Variants in ANO4 observed in about 807,000 individuals in gnomAD.
ANO4 encodes anoctamin 4.
A neutral mutation model predicts 141.9 loss-of-function variants in ANO4; 69 were observed. The observed-to-expected ratio is 0.49, with a 90% confidence interval of 0.40 to 0.59. ANO4 has a LOEUF of 0.59. Ranked by LOEUF, ANO4 falls within the 20% of genes least tolerant of loss-of-function variation. The probability of loss-of-function intolerance (pLI) is 0.00; values close to 1 mark genes in which losing one functional copy is unlikely to be tolerated. For synonymous variants in ANO4, 350 were observed against 394.3 expected (o/e 0.89, Z 1.33); for missense variants, 894 against 1,162.2 (o/e 0.77, Z 3.36).
chr12:100,784,265 C>T (rs2033796345), intron 3 of ANO4, among the ~76,000 whole-genome samples: 1 of 152,124 alleles, frequency 6.6e-6, no homozygotes, highest in African/African-American at 2.4e-5. Flanking sequence ...CTGCCAGAAT[C>T]CTCCTACTCT....
chr12:101,056,649 C>G (rs2136702232), intron 14 of ANO4, among the ~76,000 whole-genome samples: 1 of 152,068 alleles, frequency 6.6e-6, no homozygotes, highest in Non-Finnish European at 1.5e-5. Flanking sequence ...TACTAGACAT[C>G]CTTGCCTTAT....
At chr12:100,748,104 A>G (rs1593262896) in intron 3 of ANO4, among the ~76,000 whole-genome samples, 1 of 152,066 alleles carries the variant, frequency 6.6e-6, no homozygotes, top group African/African-American at 2.4e-5. Flanking sequence ...GCTTACTGGT[A>G]CTCCATATAT....
intron 14 of ANO4, among the ~76,000 whole-genome samples, chr12:101,057,602 C>T (rs1394431783): frequency 6.6e-6 from 1 of 152,202 alleles, no homozygotes; most frequent in Non-Finnish European, 1.5e-5. Context: ...ATTTGCATTT[C>T]TCTAATGACC....
At chr12:101,108,929 AT>A (rs2137006448) in intron 22 of ANO4, among the ~76,000 whole-genome samples, 1 of 152,280 alleles carries the variant, frequency 6.6e-6, no homozygotes, top group East Asian at 1.9e-4. Flanking sequence ...TGAATTTTGC[AT>A]TTTCCCAGTA....
At chr12:100,994,501 C>T (rs555226818) in intron 8 of ANO4, among the ~76,000 whole-genome samples, 71 of 152,040 alleles carry the variant, frequency 4.7e-4, no homozygotes, top group Admixed American at 1.6e-3. Flanking sequence ...AATAGATATA[C>T]AGGACATTCT....
chr12:101,119,015 G>C (rs1481439720), intron 25 of ANO4, among the ~76,000 whole-genome samples: 1 of 151,930 alleles, frequency 6.6e-6, no homozygotes, highest in African/African-American at 2.4e-5. Flanking sequence ...ATGGTTTCCA[G>C]CTTCATCCAT....
intron 3 of ANO4, among the ~76,000 whole-genome samples, chr12:100,785,687 G>T (rs2033852528): frequency 6.6e-6 from 1 of 152,162 alleles, no homozygotes; most frequent in Non-Finnish European, 1.5e-5. Flanking sequence ...TGGCAATTAT[G>T]AATAAAGCAG....
chr12:100,974,621 G>A (rs972159593), intron 6 of ANO4, among the ~76,000 whole-genome samples: 16 of 152,200 alleles, frequency 1.1e-4, no homozygotes, highest in African/African-American at 3.1e-4. Flanking sequence ...ATGGTAATGG[G>A]TAGAGGAAGA....
chr12:100,925,828 T>C (rs61944863), intron 3 of ANO4, among the ~76,000 whole-genome samples: 4 of 93,964 alleles, frequency 4.3e-5, no homozygotes, highest in South Asian at 6.9e-4. Context: ...TACATACATA[T>C]ATATACATAC....
At chr12:100,949,910 G>C (rs2042900351) in intron 5 of ANO4, among the ~76,000 whole-genome samples, 1 of 152,130 alleles carries the variant, frequency 6.6e-6, no homozygotes, top group Non-Finnish European at 1.5e-5. Context: ...CCATCCCAGT[G>C]TTTCTTTACC....
At chr12:100,887,559 T>C (rs1262659251) in intron 1 of ANO4, among the ~76,000 whole-genome samples, 1 of 152,082 alleles carries the variant, frequency 6.6e-6, no homozygotes, top group East Asian at 1.9e-4. Context: ...AGTATTGATG[T>C]CATGTCCTCC....
intron 9 of ANO4, 52 bp from the exon 10 acceptor site, chr12:101,037,043 T>C: frequency 6.5e-7 from 1 of 1,542,704 alleles, no homozygotes; most frequent in Non-Finnish European, 9.0e-7. Context: ...TTTTGAACAT[T>C]GTGAGTATTC....
intron 9 of ANO4, among the ~76,000 whole-genome samples, chr12:101,030,891 G>A (rs748038013): frequency 1.3e-5 from 2 of 152,182 alleles, no homozygotes; most frequent in African/African-American, 2.4e-5. Context: ...CCAGGAAGAA[G>A]TTGAATCCCT....
chr12:100,787,713 A>G (rs949275771), intron 3 of ANO4, among the ~76,000 whole-genome samples: 1 of 152,210 alleles, frequency 6.6e-6, no homozygotes, highest in African/African-American at 2.4e-5. Flanking sequence ...CAAATGGGTT[A>G]AAGTGAGGAT....
Position 101,049,485 on chromosome 12 carries a change from A to AT in ANO4, c.1312+1098dup, listed in dbSNP as rs61274909. 7.2e-3 allele frequency among the ~76,000 whole-genome samples: 1,030 copies of AT among 142,110 alleles called. 8 individuals are homozygous for AT. The highest frequency in any genetic ancestry group is 0.024 in the South Asian group (106 of 4,468). 93.2% of individuals were successfully genotyped at this position (142,110 alleles called of 152,430 possible). On this transcript the variant is annotated intron_variant, in intron 14 of 27. Transcript: ENST00000392977. ...CCATTATGATTATCAGAGATCTCAT[A>AT]TTTTTTTTTTTTTTGAGATAGATGG...
chr12:100,961,321 A>G (rs544804550), intron 5 of ANO4, among the ~76,000 whole-genome samples: 1 of 152,348 alleles, frequency 6.6e-6, no homozygotes, highest in South Asian at 2.1e-4. Flanking sequence ...ATTAATTAGC[A>G]GTATCAGATA....
chr12:101,057,078 C>G (rs1395160956), intron 14 of ANO4, among the ~76,000 whole-genome samples: 4 of 151,438 alleles, frequency 2.6e-5, no homozygotes, highest in Non-Finnish European at 5.9e-5. Context: ...TTGTTCAACT[C>G]CCACTTAGGA....
chr12:100,731,380 C>A (rs2031374790), intron 1 of ANO4, among the ~76,000 whole-genome samples: 1 of 152,122 alleles, frequency 6.6e-6, no homozygotes, highest in Non-Finnish European at 1.5e-5. Flanking sequence ...GTTTTAGGTT[C>A]ATAACAAAAT....
At chr12:100,733,735 A>G in intron 1 of ANO4, 1 of 691,304 alleles carries the variant, frequency 1.4e-6, no homozygotes, top group Non-Finnish European at 2.6e-6. Context: ...GTGTCTACTA[A>G]GTTATAATTA....
Sources: gnomAD v4.1 joint callset for allele counts (sites outside exome capture counted in the v4.1 genomes callset) on GRCh38, gnomAD v4.1.1 for gene constraint, MANE v1.5 for transcripts, NCBI Gene and HGNC (gene_info 2026-07-23, HGNC 2026-07-21) for gene names.